Variants in TRIM31 observed in about 807,000 individuals in gnomAD.
TRIM31 encodes the protein E3 ubiquitin-protein ligase TRIM31.
A neutral mutation model predicts 40.6 loss-of-function variants in TRIM31; 31 were observed. The observed-to-expected ratio is 0.76, with a 90% CI of 0.57 to 1.03. The LOEUF is 1.03. TRIM31 is among the 50% of genes least tolerant of loss of function. The pLI, the probability that TRIM31 is intolerant of heterozygous loss-of-function variation, is 0.00. For synonymous variants in TRIM31, 164 were observed against 193.9 expected (o/e 0.85, Z 1.28); for missense variants, 455 against 497.5 (o/e 0.91, Z 0.81).
Position 30,110,640 on chromosome 6 carries a change from T to A in TRIM31, c.552A>T (p.Glu184Asp), listed in dbSNP as rs751735509. 1.9e-6 allele frequency: 3 copies of A among 1,614,222 alleles called. No homozygotes were observed. The highest frequency in any genetic ancestry group is 2.5e-6 in the Non-Finnish European group (3 of 1,180,038). Reference sequence around the variant, plus strand: ...CTAGGACTTGATGCAGGAGTTCAAATTCTGTGAGGATCCTTTGCTTCTCAT... The same window carrying A: ...CTAGGACTTGATGCAGGAGTTCAAAATCTGTGAGGATCCTTTGCTTCTCAT... ...VEHEKQRILT[E>D]FELLHQVLEE... Residue 184 changes from glutamate to aspartate, a missense_variant, in exon 4 of 9, where the codon GAA becomes GAT. Glu to Asp is a conservative substitution (Grantham distance 45). Transcript: ENST00000376734.
chr6:30,110,854 A>G (rs1029370850), intron 3 of TRIM31, among the ~76,000 whole-genome samples, 176 bp from the exon 4 acceptor site: 8 of 152,198 alleles, frequency 5.3e-5, no homozygotes, highest in African/African-American at 1.9e-4. Flanking sequence ...AGCACCTACT[A>G]CGTGCTCAGC....
chr6:30,103,851 T>C lies in TRIM31; in HGVS notation c.1025-62A>G, dbSNP rs370997594. 45 of 1,605,388 alleles carry C rather than the reference T, an allele frequency of 2.8e-5. No individual in the cohort carries two copies. The East Asian group carries it at 9.4e-4, about 33-fold the overall frequency. ...GGAGCACCTCGGCAGCAATCCTCCA[T>C]TGCCAGACAGCACAGCTGAGCTCTA... is the stretch of plus-strand genomic sequence containing the variant. On this transcript the variant is annotated intron_variant, in intron 8 of 8. Transcript: ENST00000376734.
rs769645160 is a variant in TRIM31 at position 30,112,883 on chromosome 6, C to T, written c.-78G>A. 1.9e-5 allele frequency: 27 copies of T among 1,429,468 alleles called. No homozygotes were observed. Among genetic ancestry groups the T allele is most frequent in the Non-Finnish European group, 2.4e-5 (26 of 1,071,118 alleles). The allele number at this position is 1,429,468 out of a possible 1,614,324, so 88.5% of individuals were successfully genotyped here. On this transcript the variant is annotated 5_prime_UTR_variant, in exon 2 of 9. Transcript: ENST00000376734. ...GGAGCCCCGGAGTCCACTGTGGATA[C>T]TGTTTCTAGGAAGGGAGAAGGGAGT...
At chr6:30,104,288 T>G in intron 7 of TRIM31, 121 bp from the exon 8 acceptor site, 1 of 957,084 alleles carries the variant, frequency 1.0e-6, no homozygotes, top group South Asian at 1.4e-5. Flanking sequence ...TGGGACCCAT[T>G]CCCCACCCAG....
chr6:30,111,026 CTGTCT>C (rs1427635607), intron 3 of TRIM31, among the ~76,000 whole-genome samples: 1 of 116,824 alleles, frequency 8.6e-6, no homozygotes, highest in African/African-American at 3.0e-5. Context: ...CATTTTCCTT[CTGTCT>C]TTTTTTTTTT....
intron 4 of TRIM31, among the ~76,000 whole-genome samples, chr6:30,109,618 C>T (rs143608377): frequency 4.6e-4 from 70 of 152,226 alleles, no homozygotes; most frequent in Middle Eastern, 6.8e-3. Flanking sequence ...CGGTGGTTCA[C>T]GCCTGTAATC....
chr6:30,109,112 G>A, intron 4 of TRIM31, 64 bp from the exon 5 acceptor site: 1 of 1,559,678 alleles, frequency 6.4e-7, no homozygotes, highest in Middle Eastern at 1.7e-4. Context: ...CCAAGGAGGA[G>A]ATACAGAGCC....
At chr6:30,107,942 A>C in intron 6 of TRIM31, 111 bp downstream of exon 6, 225 of 661,878 alleles carry the variant, frequency 3.4e-4, no homozygotes, top group Non-Finnish European at 4.2e-4. Flanking sequence ...TGGCACTAGA[A>C]GGGCCCAGGG....
chr6:30,105,554 ATTAACT>A (rs1768596794), intron 6 of TRIM31: 1 of 193,274 alleles, frequency 5.2e-6, no homozygotes, highest in Non-Finnish European at 1.0e-5. Context: ...AACTAGTAAA[ATTAACT>A]TTAATTATAT....
At chr6:30,104,033 G>A in intron 8 of TRIM31, 69 bp downstream of exon 8, 1 of 1,493,900 alleles carries the variant, frequency 6.7e-7, no homozygotes, top group Non-Finnish European at 9.2e-7. Flanking sequence ...TAGTGGAATT[G>A]GGTGGATACA....
intron 8 of TRIM31, 113 bp from the exon 9 acceptor site, chr6:30,103,902 A>G (rs1236010058): frequency 6.6e-7 from 1 of 1,522,384 alleles, no homozygotes; most frequent in East Asian, 2.3e-5. Context: ...ATGGAGGTGA[A>G]ACTCAAGAAA....
chr6:30,105,822 G>A (rs1405429379), intron 6 of TRIM31, among the ~76,000 whole-genome samples: 1 of 152,222 alleles, frequency 6.6e-6, no homozygotes, highest in Non-Finnish European at 1.5e-5. Flanking sequence ...GACAAAGAGT[G>A]CCTTGAGGCT....
At position 30,111,030 on chromosome 6, in the gene TRIM31, C is replaced by CTTTTTTTTTTTTTTT. The variant is rs9278578; in HGVS notation, c.514-367_514-353dup. ...CACAATGTCTTCATTTTCCTTCTGTCTTTTTTTTTTTTTTTTTTTGAGACA... is the reference window on the plus strand; with the variant it reads ...CACAATGTCTTCATTTTCCTTCTGTCTTTTTTTTTTTTTTTTTTTTTTTTTTTTTTTTTTGAGACA... On this transcript the variant is annotated intron_variant, in intron 3 of 8. Transcript: ENST00000376734. Among the ~76,000 whole-genome samples the CTTTTTTTTTTTTTTT allele has an allele frequency of 1.7e-3, 197 of 114,276 alleles. 3 individuals are homozygous for CTTTTTTTTTTTTTTT. The highest frequency in any genetic ancestry group is 8.8e-3 in the Middle Eastern group (2 of 226). The allele number at this position is 114,276 out of a possible 152,430, so 75.0% of individuals were successfully genotyped here. A position where few individuals can be genotyped will look rare whatever the true frequency, so the allele number is the denominator to read the frequency against.
rs1269980761 is a variant in TRIM31 at position 30,110,413 on chromosome 6, C to T, written c.744+35G>A. 2.5e-6 allele frequency: 4 copies of T among 1,603,312 alleles called. No homozygotes were observed. The Admixed American group carries it at 5.0e-5, about 20-fold the overall frequency. On this transcript the variant is annotated intron_variant, in intron 4 of 8. Transcript: ENST00000376734. Reference sequence around the variant, plus strand: ...CTGACCTGAGACTAGGGATGGGCTGCTACCTCTCTGCAATTCTGCCCCCAA... The same window carrying T: ...CTGACCTGAGACTAGGGATGGGCTGTTACCTCTCTGCAATTCTGCCCCCAA...
In TRIM31 at chr6:30,112,537, CT is replaced by C; in HGVS notation, c.268del (p.Arg90GlyfsTer41). The C allele has an allele frequency of 6.2e-7, 1 of 1,613,128 alleles. No homozygotes were observed. Among genetic ancestry groups the C allele is most frequent in the African/African-American group, 1.3e-5 (1 of 75,068 alleles). On this transcript the variant is annotated frameshift_variant, in exon 2 of 9. Transcript: ENST00000376734. LOFTEE classifies it high-confidence loss of function. ...GTGCCTCGGGCATGTAGCCTCTTTC[CT>C]TTTGGACTGCACCTCAGAGGCTTGT... ...ALQASEVQSKRKEATCPRHQE... is the reference protein window; with the variant it reads ...ALQASEVQSKXKEATCPRHQE...
At chr6:30,105,275 A>C in intron 6 of TRIM31, 33 bp from the exon 7 acceptor site, 3 of 1,566,562 alleles carry the variant, frequency 1.9e-6, no homozygotes, top group Non-Finnish European at 2.6e-6. Context: ...AAATGGTGAG[A>C]GTCCAGAGGG....
At chr6:30,113,027 ATAT>A in intron 1 of TRIM31, 34 bp downstream of exon 1, 1 of 525,720 alleles carries the variant, frequency 1.9e-6, no homozygotes, top group Non-Finnish European at 3.3e-6. Flanking sequence ...GATCTAGAAA[ATAT>A]TATAAAGAGA....
At chr6:30,106,586 TAAAAATAAGAGA>T (rs1768727339) in intron 6 of TRIM31, among the ~76,000 whole-genome samples, 1 of 139,156 alleles carries the variant, frequency 7.2e-6, no homozygotes, top group Non-Finnish European at 1.6e-5. Context: ...AAAAATAAAA[TAAAAATAAGAGA>T]AAAAAAAAAG....
At chr6:30,105,318 G>A in intron 6 of TRIM31, 76 bp from the exon 7 acceptor site, 1 of 1,148,580 alleles carries the variant, frequency 8.7e-7, no homozygotes, top group Non-Finnish European at 1.3e-6. Context: ...ACACAGCAAG[G>A]CACTAATTTG....
Sources: allele counts gnomAD v4.1 joint callset (sites outside exome capture counted in the v4.1 genomes callset), GRCh38; gene constraint gnomAD v4.1.1; transcripts MANE v1.5; gene names NCBI Gene and HGNC (gene_info 2026-07-23, HGNC 2026-07-21).